The following PCGF5 variants were observed in gnomAD, a reference collection of about 807,000 sequenced individuals.
The protein encoded by PCGF5 is polycomb group ring finger 5.
PCGF5 carries 9 observed loss-of-function variants against 44.3 expected under a neutral mutation model. That is an observed-to-expected ratio of 0.20 (90% CI 0.12 to 0.35). PCGF5 has a LOEUF of 0.35. Ranked by LOEUF, PCGF5 falls within the 10% of genes least tolerant of loss-of-function variation. PCGF5 has a pLI of 1.00. For missense variants in PCGF5, 146 were observed against 305.3 expected, an observed-to-expected ratio of 0.48 and a Z score of 3.89; for synonymous variants, 95 against 102.5, an observed-to-expected ratio of 0.93 and a Z score of 0.44.
At chr10:91,180,131 C>T (rs570641792) in intron 1 of PCGF5, among the ~76,000 whole-genome samples, 114 of 152,148 alleles carry the variant, frequency 7.5e-4, no homozygotes, top group African/African-American at 2.5e-3. Context: ...ACATTATTGG[C>T]GGCATGTATG....
At chr10:91,172,329 G>A (rs2133171269) in intron 1 of PCGF5, among the ~76,000 whole-genome samples, 2 of 152,206 alleles carry the variant, frequency 1.3e-5, no homozygotes, top group Middle Eastern at 3.4e-3. Flanking sequence ...TGAAGCAGAA[G>A]AATCATTTGA....
Position 91,175,972 on chromosome 10 carries a change from T to C in PCGF5, c.-184+12891T>C, listed in dbSNP as rs547951742. The stretch of plus-strand genomic sequence containing the variant: ...GTCATTATGATGTTAGCTGGTTATT[T>C]TGCTCGTTAGTTGATGCAGTTTCTT... On this transcript the variant is annotated intron_variant, in intron 1 of 9. Coordinates refer to the PCGF5 transcript ENST00000614189. Among the ~76,000 whole-genome samples the C allele has an allele frequency of 6.6e-5, 10 of 152,320 alleles. No homozygotes were observed. In the East Asian group the frequency reaches 1.9e-3, roughly 29 times the overall value.
At chr10:91,255,560 GC>G (rs1484104928) in intron 6 of PCGF5, among the ~76,000 whole-genome samples, 1 of 152,010 alleles carries the variant, frequency 6.6e-6, no homozygotes, top group Non-Finnish European at 1.5e-5. Context: ...CAACTTAATG[GC>G]TCCAGATGTG....
At chr10:91,234,808 G>T (rs1418604541) in intron 2 of PCGF5, among the ~76,000 whole-genome samples, 1 of 152,138 alleles carries the variant, frequency 6.6e-6, no homozygotes, top group Non-Finnish European at 1.5e-5. Flanking sequence ...TATCTTCCTT[G>T]TACACAGAAA....
intron 1 of PCGF5, among the ~76,000 whole-genome samples, chr10:91,177,419 A>G (rs1427887732): frequency 6.6e-6 from 1 of 152,150 alleles, no homozygotes; most frequent in Non-Finnish European, 1.5e-5. Context: ...GAGAACCACT[A>G]CTGTCTTCCA....
chr10:91,258,849 G>A (rs911529086), intron 6 of PCGF5, among the ~76,000 whole-genome samples: 2 of 151,960 alleles, frequency 1.3e-5, no homozygotes, highest in Admixed American at 1.3e-4. Flanking sequence ...ATTTCTGTTG[G>A]TCTTTGCCAG....
rs112344687 is a variant in PCGF5, at chr10:91,258,582, TGCTAA to T, written c.475-2743_475-2739del. 7.1e-3 allele frequency among the ~76,000 whole-genome samples: 1,075 copies of T among 152,242 alleles called. 14 individuals carry two copies. The highest frequency in any genetic ancestry group is 0.023 in the African/African-American group (960 of 41,552). ...GACTTAACTGGGGCTTGTAAAAATG[TGCTAA>T]TGATTCTTTGTAAGCTGTTTGGGGC... On this transcript the variant is annotated intron_variant, in intron 6 of 9. Coordinates refer to ENST00000336126, the MANE Select transcript of PCGF5 (RefSeq NM_032373.5).
intron 6 of PCGF5, among the ~76,000 whole-genome samples, chr10:91,258,112 GA>G (rs1305931489): frequency 1.3e-5 from 2 of 152,106 alleles, no homozygotes; most frequent in African/African-American, 4.8e-5. Flanking sequence ...AGACAAAGTA[GA>G]TTAGGGTTGT....
intron 1 of PCGF5, among the ~76,000 whole-genome samples, chr10:91,174,310 C>T (rs1589349178): frequency 1.3e-5 from 2 of 152,054 alleles, no homozygotes; most frequent in South Asian, 4.2e-4. Flanking sequence ...AGTTGGAGAC[C>T]AGCCTGGCCA....
At chr10:91,267,720 A>G (rs1846080734) in intron 8 of PCGF5, among the ~76,000 whole-genome samples, 1 of 152,164 alleles carries the variant, frequency 6.6e-6, no homozygotes, top group Non-Finnish European at 1.5e-5. Context: ...TAAAACAATC[A>G]TTTCTTGATT....
intron 1 of PCGF5, among the ~76,000 whole-genome samples, chr10:91,176,890 CCTT>C (rs201770246): frequency 0.076 from 11,625 of 152,186 alleles, 1,006 homozygotes; most frequent in African/African-American, 0.21. Flanking sequence ...TCGTCTGAAG[CCTT>C]CTTCTCTCAA....
rs1846389793 is a variant in PCGF5, at chr10:91,279,245, G to C, written c.*929G>C. Reference sequence around the variant, plus strand: ...GTATATGTCATTGTGGCATGCAGAGGGTTATGACGATTTTAAATATTAGGA... The same window carrying C: ...GTATATGTCATTGTGGCATGCAGAGCGTTATGACGATTTTAAATATTAGGA... On this transcript the variant is annotated 3_prime_UTR_variant, in exon 10 of 10. Transcript: ENST00000336126. 1 of 151,958 alleles carries C rather than the reference G, an allele frequency of 6.6e-6. No homozygotes were observed. Among genetic ancestry groups the C allele is most frequent in the East Asian group, 1.9e-4 (1 of 5,198 alleles). The allele number at this position is 151,958 out of a possible 1,614,324, so 9.4% of individuals were successfully genotyped here. A position where few individuals can be genotyped will look rare whatever the true frequency, so the allele number is the denominator to read the frequency against.
intron 1 of PCGF5, among the ~76,000 whole-genome samples, chr10:91,176,270 C>T (rs11597996): frequency 0.34 from 52,242 of 152,106 alleles, 10,270 homozygotes; most frequent in East Asian, 0.52. Flanking sequence ...GAGTTTCTGC[C>T]GAGAGATCAG....
chr10:91,228,046 A>G, intron 2 of PCGF5: 1 of 693,038 alleles, frequency 1.4e-6, no homozygotes, highest in Non-Finnish European at 1.8e-6. Context: ...AGGAATTACA[A>G]ATTTAGGAAA....
chr10:91,218,795 G>A (rs185204885), upstream of PCGF5, among the ~76,000 whole-genome samples: 8 of 152,086 alleles, frequency 5.3e-5, no homozygotes, highest in African/African-American at 1.7e-4. Flanking sequence ...ACCATGCCCG[G>A]CTGATTTTTG....
intron 7 of PCGF5, among the ~76,000 whole-genome samples, chr10:91,263,573 T>C (rs1222669865): frequency 6.6e-6 from 1 of 152,230 alleles, no homozygotes; most frequent in African/African-American, 2.4e-5. Context: ...TTGTTTTTAA[T>C]AGCTAGAGAA....
intron 6 of PCGF5, among the ~76,000 whole-genome samples, chr10:91,260,443 A>G (rs1246200908): frequency 6.6e-6 from 1 of 152,226 alleles, no homozygotes; most frequent in Non-Finnish European, 1.5e-5. Context: ...CATTTGACCC[A>G]GCCATCCCAT....
intron 8 of PCGF5, among the ~76,000 whole-genome samples, chr10:91,268,290 A>G (rs1031263202): frequency 1.3e-5 from 2 of 152,208 alleles, no homozygotes; most frequent in African/African-American, 4.8e-5. Context: ...AACATGTTTT[A>G]TAAGGCAAAT....
intron 1 of PCGF5, among the ~76,000 whole-genome samples, chr10:91,189,643 G>C (rs1271890421): frequency 6.6e-6 from 1 of 152,062 alleles, no homozygotes; most frequent in Non-Finnish European, 1.5e-5. Flanking sequence ...AAGTTAAAAA[G>C]ACCAAAGAAT....
Sources: gnomAD v4.1 joint callset for allele counts (sites outside exome capture counted in the v4.1 genomes callset) on GRCh38, gnomAD v4.1.1 for gene constraint, MANE v1.5 for transcripts, NCBI Gene and HGNC (gene_info 2026-07-23, HGNC 2026-07-21) for gene names.